The following FCF1 variants were observed in gnomAD, a reference collection of about 807,000 sequenced individuals.
FCF1 encodes FCF1 rRNA-processing protein.
FCF1 carries 17 observed loss-of-function variants against 32.5 expected under a neutral mutation model. That is an observed-to-expected ratio of 0.52 (90% CI 0.36 to 0.78). The LOEUF is 0.78. Ranked by LOEUF, FCF1 falls within the 30% of genes least tolerant of loss-of-function variation. The pLI is 0.00. For missense variants in FCF1, 201 were observed against 241.1 expected, an observed-to-expected ratio of 0.83 and a Z score of 1.10; for synonymous variants, 84 against 78.4, an observed-to-expected ratio of 1.07 and a Z score of -0.38.
At chr14:74,718,316 C>G (rs2140021798) in intron 4 of FCF1, among the ~76,000 whole-genome samples, 1 of 152,272 alleles carries the variant, frequency 6.6e-6, no homozygotes, top group Non-Finnish European at 1.5e-5. Context: ...TCTCTTCTGC[C>G]TATGAATCCT....
At chr14:74,730,316 G>T (rs1387919704) in intron 5 of FCF1, among the ~76,000 whole-genome samples, 1 of 150,060 alleles carries the variant, frequency 6.7e-6, no homozygotes, top group African/African-American at 2.5e-5. Flanking sequence ...CGGCTCAAGT[G>T]ATCCTCCTGC....
rs2090392052 is a variant in FCF1, at chr14:74,714,771, A to G, written c.72-101A>G. 9.9e-6 allele frequency: 14 copies of G among 1,414,208 alleles called. 1 individual carries two copies. The South Asian group carries it at 1.9e-4, about 19-fold the overall frequency. The allele number at this position is 1,414,208 out of a possible 1,614,324, so 87.6% of individuals were successfully genotyped here. On this transcript the variant is annotated intron_variant, in intron 2 of 7. Transcript: ENST00000341162. ...GGATATCACAAAGTAGGATTTCTTC[A>G]GTAGACCAAAAAAAAAAAAAAATGG...
rs528043367 is a variant in FCF1 at position 74,724,824 on chromosome 14, G to C, written c.365+1480G>C. Among the ~76,000 whole-genome samples, 540 of 152,180 alleles carry C rather than the reference G, an allele frequency of 3.5e-3. 5 individuals are homozygous for C. The highest frequency in any genetic ancestry group is 0.024 in the Middle Eastern group (7 of 294). ...GGAGGCTGAGGTGGGAAGATTGCTT[G>C]AGCCCAGGAGGCAGAGGTAGCAGTG... On this transcript the variant is annotated intron_variant, in intron 5 of 7. Transcript: ENST00000341162.
chr14:74,730,206 CTTTTTTTTT>C (rs869067896), intron 5 of FCF1, among the ~76,000 whole-genome samples: 4 of 109,392 alleles, frequency 3.7e-5, no homozygotes, highest in South Asian at 5.8e-4. Flanking sequence ...TGTGTATATG[CTTTTTTTTT>C]TTTTTTTTTT....
At chr14:74,716,536 G>A (rs10438025) in intron 4 of FCF1, among the ~76,000 whole-genome samples, 34,471 of 152,026 alleles carry the variant, frequency 0.23, 4,053 homozygotes, top group South Asian at 0.31. Flanking sequence ...ATAGATGATG[G>A]TCAATTCCTA....
At position 74,720,879 on chromosome 14, in the gene FCF1, G is replaced by GT. The variant is rs35099474; in HGVS notation, c.293-2376dup. Among the ~76,000 whole-genome samples, 528 of 126,766 alleles carry GT rather than the reference G, an allele frequency of 4.2e-3. 1 individual carries two copies. Among genetic ancestry groups the GT allele is most frequent in the East Asian group, 0.021 (93 of 4,488 alleles). The allele number at this position is 126,766 out of a possible 152,430, so 83.2% of individuals were successfully genotyped here. A position where few individuals can be genotyped will look rare whatever the true frequency, so the allele number is the denominator to read the frequency against. Reference sequence around the variant, plus strand: ...CATGTTGCCCAAGTTTTTGGGGTTTGTTTTTTTTTTTTTTTTTGAGACAGG... The same window carrying GT: ...CATGTTGCCCAAGTTTTTGGGGTTTGTTTTTTTTTTTTTTTTTTGAGACAGG... On this transcript the variant is annotated intron_variant, in intron 4 of 7. Coordinates refer to ENST00000341162, the MANE Select transcript of FCF1 (RefSeq NM_015962.5).
At position 74,713,546 on chromosome 14, in the gene FCF1, A is replaced by G. The variant is rs369946804; in HGVS notation, c.65A>G (p.Gln22Arg). 23 of 1,611,116 alleles carry G rather than the reference A, an allele frequency of 1.4e-5. No homozygotes were observed. The highest frequency in any genetic ancestry group is 3.3e-5 in the Admixed American group (2 of 60,028). Residue 22 changes from glutamine (Q) to arginine (R), a missense_variant, in exon 2 of 8, where the codon CAG becomes CGG. Around this residue, in one of 3 missense-constraint regions of FCF1, gnomAD observed 76 missense variants for 75.0 expected, o/e 1.01. Transcript: ENST00000341162. Reference sequence around the variant, plus strand: ...AAGCGAATGCTTAGTCTCAGAGATCAGAGGCTGTGAGTGTCTGGAATCAAC... The same window carrying G: ...AAGCGAATGCTTAGTCTCAGAGATCGGAGGCTGTGAGTGTCTGGAATCAAC... ...TMKRMLSLRD[Q>R]RLKEKDRLKP... is the part of the protein sequence containing the mutation.
chr14:74,728,907 T>C (rs2090602735), intron 5 of FCF1, among the ~76,000 whole-genome samples: 2 of 152,140 alleles, frequency 1.3e-5, no homozygotes, highest in South Asian at 2.1e-4. Flanking sequence ...ATTACATTTA[T>C]TGATTTGCAT....
chr14:74,728,416 G>A (rs1367629915), intron 5 of FCF1, among the ~76,000 whole-genome samples: 2 of 151,954 alleles, frequency 1.3e-5, no homozygotes, highest in African/African-American at 4.8e-5. Context: ...GTCTGTTGTT[G>A]GTGTATAAGA....
At position 74,737,026 on chromosome 14, in the gene FCF1, T is replaced by A. The variant is rs924515417; in HGVS notation, c.*2096T>A. 1 of 152,018 alleles carries A rather than the reference T, an allele frequency of 6.6e-6. No individual in the cohort carries two copies. The highest frequency in any genetic ancestry group is 1.9e-4 in the East Asian group (1 of 5,186). 9.4% of individuals were successfully genotyped at this position (152,018 alleles called of 1,614,324 possible). On this transcript the variant is annotated 3_prime_UTR_variant, in exon 8 of 8. Coordinates refer to ENST00000341162, the MANE Select transcript of FCF1 (RefSeq NM_015962.5). ...CTAATCTTAAAAATGAATAGGTGCC[T>A]CCCCAGTAAATTAGGAATGGAAGAT...
In FCF1 at chr14:74,716,116, T is replaced by C. The variant is rs1248452283; in HGVS notation, c.292+17T>C. On this transcript the variant is annotated intron_variant, in intron 4 of 7. Coordinates refer to ENST00000341162, the MANE Select transcript of FCF1 (RefSeq NM_015962.5). ...ATGCCAAGTGTGAGTATCATACTTT[T>C]ATGTTTCCGTGACATTTGTTCAGAA... 9 of 1,606,416 alleles carry C rather than the reference T, an allele frequency of 5.6e-6. No homozygotes were observed. Among genetic ancestry groups the C allele is most frequent in the African/African-American group, 1.3e-5 (1 of 74,804 alleles).
Position 74,735,567 on chromosome 14 carries a change from ACT to A in FCF1, c.*640_*641del, listed in dbSNP as rs2090695934. The A allele has an allele frequency of 6.8e-6, 1 of 146,712 alleles. No individual in the cohort carries two copies. Among genetic ancestry groups the A allele is most frequent in the African/African-American group, 2.5e-5 (1 of 39,908 alleles). The allele number at this position is 146,712 out of a possible 1,614,324, so 9.1% of individuals were successfully genotyped here. A position where few individuals can be genotyped will look rare whatever the true frequency, so the allele number is the denominator to read the frequency against. On this transcript the variant is annotated 3_prime_UTR_variant, in exon 8 of 8. Coordinates refer to ENST00000341162, the MANE Select transcript of FCF1 (RefSeq NM_015962.5). ...GAGCTGAGGGTAGTTCAATATGCTC[ACT>A]CTTTTTTTTTTTTTTCTTGAGATGA...
intron 5 of FCF1, among the ~76,000 whole-genome samples, chr14:74,725,675 C>T (rs923459846): frequency 6.6e-6 from 1 of 152,012 alleles, no homozygotes; most frequent in Non-Finnish European, 1.5e-5. Flanking sequence ...TGGCTCACGC[C>T]TGTAATCCCA....
chr14:74,718,084 C>T (rs954347734), intron 4 of FCF1, among the ~76,000 whole-genome samples: 3 of 152,164 alleles, frequency 2.0e-5, no homozygotes, highest in African/African-American at 7.2e-5. Flanking sequence ...AGGCTGGTCT[C>T]AAACTCCTGA....
chr14:74,730,869 C>T (rs1294430868), intron 5 of FCF1, among the ~76,000 whole-genome samples: 1 of 152,102 alleles, frequency 6.6e-6, no homozygotes, highest in Non-Finnish European at 1.5e-5. Flanking sequence ...CATGGTGGCG[C>T]ATGCCTGTAA....
Position 74,725,505 on chromosome 14 carries a change from A to AAAC in FCF1, c.365+2163_365+2164insCAA, listed in dbSNP as rs1298395961. 1.4e-4 allele frequency among the ~76,000 whole-genome samples: 21 copies of AAAC among 150,476 alleles called. 1 individual carries two copies. The highest frequency in any genetic ancestry group is 5.1e-4 in the African/African-American group (21 of 40,970). On this transcript the variant is annotated intron_variant, in intron 5 of 7. Transcript: ENST00000341162. Reference sequence around the variant, plus strand: ...CAAAAAAAAAAAAAAAAAAAAAAAAAAAAACTGGGTACAGAAGCTCACGTA... The same window carrying AAAC: ...CAAAAAAAAAAAAAAAAAAAAAAAAAAACAAAACTGGGTACAGAAGCTCACGTA...
At chr14:74,720,868 T>C (rs921413179) in intron 4 of FCF1, among the ~76,000 whole-genome samples, 6 of 145,726 alleles carry the variant, frequency 4.1e-5, no homozygotes, top group African/African-American at 1.3e-4. Context: ...TTGCCCAAGT[T>C]TTTGGGGTTT....
chr14:74,716,354 G>A (rs1439661813), intron 4 of FCF1, among the ~76,000 whole-genome samples: 2 of 152,116 alleles, frequency 1.3e-5, no homozygotes, highest in Non-Finnish European at 2.9e-5. Context: ...TTTGAACATA[G>A]GGGAATTTTC....
At chr14:74,720,340 A>G (rs146435903) in intron 4 of FCF1, among the ~76,000 whole-genome samples, 6 of 152,254 alleles carry the variant, frequency 3.9e-5, no homozygotes, top group African/African-American at 1.4e-4. Flanking sequence ...GGAGACCCTT[A>G]GCCATCACCC....
Sources: gnomAD v4.1 joint callset for allele counts (sites outside exome capture counted in the v4.1 genomes callset) on GRCh38, gnomAD v4.1.1 for gene constraint, gnomAD v4.1.1 regional missense constraint, MANE v1.5 for transcripts, NCBI Gene and HGNC (gene_info 2026-07-23, HGNC 2026-07-21) for gene names.